The following RGS6 variants were observed in gnomAD, a reference collection of about 807,000 sequenced individuals.
RGS6 encodes regulator of G-protein signaling 6.
Under a neutral mutation model 78.5 loss-of-function variants are expected in RGS6, and 30 were observed. The observed-to-expected ratio is 0.38, with a 90% confidence interval of 0.29 to 0.52. The LOEUF is 0.52. Ranked by LOEUF, RGS6 falls within the 20% of genes least tolerant of loss-of-function variation. The probability of loss-of-function intolerance (pLI) is 0.85; values close to 1 mark genes in which losing one functional copy is unlikely to be tolerated. For missense variants in RGS6, 495 were observed against 609.7 expected (o/e 0.81, Z 1.98); for synonymous variants, 206 against 206.0 (o/e 1.00, Z 0.00).
At chr14:72,620,454 T>C in the RGS6 span, among the ~76,000 whole-genome samples, 1 of 152,204 alleles carries the variant, frequency 6.6e-6, no homozygotes, top group Non-Finnish European at 1.5e-5. Context: ...CAGAACCTCT[T>C]CAGGGTTTCA....
intron 2 of RGS6, among the ~76,000 whole-genome samples, chr14:72,207,328 C>T (rs1406681821): frequency 6.6e-6 from 1 of 152,110 alleles, no homozygotes. Context: ...CTAATGACTT[C>T]AATGTTATGG....
At chr14:71,871,859 A>G in the RGS6 span, among the ~76,000 whole-genome samples, 1 of 151,968 alleles carries the variant, frequency 6.6e-6, no homozygotes, top group African/African-American at 2.4e-5. Context: ...TGTGCCCCCT[A>G]CTGTCGAATG....
intron 8 of RGS6, among the ~76,000 whole-genome samples, chr14:72,471,799 G>A (rs1459100007): frequency 6.6e-6 from 1 of 152,228 alleles, no homozygotes; most frequent in Non-Finnish European, 1.5e-5. Context: ...TAGGTAGGAT[G>A]GAGGCTGGGA....
In RGS6 at chr14:71,936,015, GATATAT is replaced by G. The variant is rs55686505; in HGVS notation, c.-21+3095_-21+3100del. 3.7e-3 allele frequency among the ~76,000 whole-genome samples: 236 copies of G among 63,786 alleles called. 7 individuals are homozygous for G. The highest frequency in any genetic ancestry group is 0.033 in the South Asian group (62 of 1,890). 41.8% of individuals were successfully genotyped at this position (63,786 alleles called of 152,430 possible). A position where few individuals can be genotyped will look rare whatever the true frequency, so the allele number is the denominator to read the frequency against. ...TCTCTTAGAGGGACAGAACTAATAG[GATATAT>G]ATATATATATATATATATATGTACA... On this transcript the variant is annotated intron_variant, in intron 1 of 17. Coordinates refer to ENST00000553525, the MANE Select transcript of RGS6 (RefSeq NM_001204424.2).
chr14:72,165,977 T>C (rs912462280), intron 2 of RGS6, among the ~76,000 whole-genome samples: 1 of 152,162 alleles, frequency 6.6e-6, no homozygotes, highest in Non-Finnish European at 1.5e-5. Context: ...CAAAACAGCA[T>C]AGGTAACAGA....
At chr14:72,344,802 G>A (rs1189264311) in intron 2 of RGS6, among the ~76,000 whole-genome samples, 2 of 152,200 alleles carry the variant, frequency 1.3e-5, no homozygotes, top group Admixed American at 1.3e-4. Context: ...CAGATTTTAG[G>A]TAGGGGAGTT....
At chr14:71,874,660 C>T in the RGS6 span, among the ~76,000 whole-genome samples, 6 of 152,164 alleles carry the variant, frequency 3.9e-5, no homozygotes, top group Non-Finnish European at 7.3e-5. Context: ...ATTGCCCTGG[C>T]TAGAACTTCC....
intron 1 of RGS6, among the ~76,000 whole-genome samples, chr14:71,956,929 T>C (rs1206500602): frequency 6.6e-6 from 1 of 152,158 alleles, no homozygotes; most frequent in Non-Finnish European, 1.5e-5. Flanking sequence ...GTGTGTTCAA[T>C]GGATTAAATG....
chr14:72,330,682 A>G (rs191676141), intron 2 of RGS6, among the ~76,000 whole-genome samples: 3 of 152,332 alleles, frequency 2.0e-5, no homozygotes, highest in African/African-American at 7.2e-5. Flanking sequence ...CACAGGGCCC[A>G]CATTTAAAAT....
intron 14 of RGS6, among the ~76,000 whole-genome samples, chr14:72,514,420 T>C (rs746001715): frequency 4.6e-5 from 7 of 152,206 alleles, no homozygotes; most frequent in Non-Finnish European, 8.8e-5. Context: ...TGGTTTGTCT[T>C]ACCCAGCCAG....
chr14:72,007,362 C>G (rs2084768805), intron 2 of RGS6, among the ~76,000 whole-genome samples: 1 of 152,064 alleles, frequency 6.6e-6, no homozygotes, highest in Middle Eastern at 3.2e-3. Flanking sequence ...AACATTAAGC[C>G]AAGGATGCGA....
chr14:72,491,697 TAAAA>T (rs925309770), intron 12 of RGS6, among the ~76,000 whole-genome samples: 4 of 152,064 alleles, frequency 2.6e-5, no homozygotes, highest in Non-Finnish European at 5.9e-5. Context: ...CAAAATTTAA[TAAAA>T]AAGAAAGTGC....
intron 3 of RGS6, among the ~76,000 whole-genome samples, chr14:72,392,027 A>G (rs1596658163): frequency 6.6e-6 from 1 of 151,690 alleles, no homozygotes; most frequent in African/African-American, 2.4e-5. Context: ...ATTTATTTTT[A>G]TGTTTTACTT....
the RGS6 span, among the ~76,000 whole-genome samples, chr14:72,572,336 T>C: frequency 6.6e-6 from 1 of 152,162 alleles, no homozygotes; most frequent in South Asian, 2.1e-4. Context: ...ATACAAAAAT[T>C]TGAACACAAG....
rs1054278828 is a variant in RGS6 at position 72,287,059 on chromosome 14, C to T, written c.85-65036C>T. Among the ~76,000 whole-genome samples the T allele has an allele frequency of 2.0e-5, 3 of 152,212 alleles. No homozygotes were observed. The East Asian group carries it at 5.8e-4, about 29-fold the overall frequency. ...TTGGCCTCCCAAAGTGCTGGCCTCC[C>T]AGGTGCAAACTACCACACCTGACCA... On this transcript the variant is annotated intron_variant, in intron 2 of 17. Transcript: ENST00000553525.
At chr14:72,051,154 T>TG (rs1377778702) in intron 2 of RGS6, among the ~76,000 whole-genome samples, 4 of 151,954 alleles carry the variant, frequency 2.6e-5, no homozygotes, top group East Asian at 3.9e-4. Context: ...TCAAATGCAG[T>TG]GGGAAAAAAA....
intron 3 of RGS6, among the ~76,000 whole-genome samples, chr14:72,450,844 G>T (rs1038672426): frequency 1.3e-5 from 2 of 152,242 alleles, no homozygotes; most frequent in African/African-American, 2.4e-5. Flanking sequence ...TCTCCTGCTG[G>T]TGATTTGGAT....
chr14:71,947,925 A>G (rs904986945), intron 1 of RGS6, among the ~76,000 whole-genome samples: 1 of 152,180 alleles, frequency 6.6e-6, no homozygotes, highest in Non-Finnish European at 1.5e-5. Flanking sequence ...AATGCCATAT[A>G]ATAGTGTTGA....
the RGS6 span, among the ~76,000 whole-genome samples, chr14:71,927,420 C>T: frequency 6.6e-6 from 1 of 152,086 alleles, no homozygotes; most frequent in Non-Finnish European, 1.5e-5. Context: ...CAGAAAAAAT[C>T]CACTTCACAT....
Sources: gnomAD v4.1 joint callset for allele counts (sites outside exome capture counted in the v4.1 genomes callset) on GRCh38, gnomAD v4.1.1 for gene constraint, MANE v1.5 for transcripts, NCBI Gene and HGNC (gene_info 2026-07-23, HGNC 2026-07-21) for gene names.